The following BTRC variants were observed in gnomAD, a reference collection of about 807,000 sequenced individuals.
BTRC encodes beta-transducin repeat containing E3 ubiquitin protein ligase.
A neutral mutation model predicts 85.5 loss-of-function variants in BTRC; 42 were observed. The ratio of observed to expected loss-of-function variants is 0.49; its 90% CI spans 0.38 to 0.64. BTRC has a LOEUF of 0.64. BTRC is among the 30% of genes least tolerant of loss of function. The pLI, the probability that BTRC is intolerant of heterozygous loss-of-function variation, is 0.00. For missense variants in BTRC, 594 were observed against 743.5 expected (o/e 0.80, Z 2.34); for synonymous variants, 255 against 263.3 (o/e 0.97, Z 0.30).
intron 1 of BTRC, among the ~76,000 whole-genome samples, chr10:101,415,480 T>G (rs1194627678): frequency 7.5e-4 from 4 of 5,314 alleles, no homozygotes; most frequent in African/African-American, 8.3e-4. Flanking sequence ...TTTTATTTTA[T>G]TTTATTTTAT....
At chr10:101,528,746 G>A (rs1276337222) in intron 6 of BTRC, among the ~76,000 whole-genome samples, 1 of 151,898 alleles carries the variant, frequency 6.6e-6, no homozygotes, top group African/African-American at 2.4e-5. Flanking sequence ...CTTCTTTCAA[G>A]TTGTCTTACC....
chr10:101,368,295 G>A (rs534923379), intron 1 of BTRC, among the ~76,000 whole-genome samples: 8 of 152,210 alleles, frequency 5.3e-5, no homozygotes, highest in African/African-American at 9.6e-5. Context: ...AGTGGAAGCC[G>A]CTTGAGACTC....
chr10:101,487,805 A>G (rs1946028983), intron 4 of BTRC, among the ~76,000 whole-genome samples: 1 of 152,176 alleles, frequency 6.6e-6, no homozygotes. Context: ...TGATGAAGGG[A>G]GCACCACAGC....
At chr10:101,479,950 A>G (rs1589527091) in intron 4 of BTRC, among the ~76,000 whole-genome samples, 1 of 152,100 alleles carries the variant, frequency 6.6e-6, no homozygotes, top group Admixed American at 6.5e-5. Flanking sequence ...TGTATGGGCT[A>G]CCTCTTTTTC....
At position 101,436,422 on chromosome 10, in the gene BTRC, A is replaced by G. The variant is rs1052888640; in HGVS notation, c.156+5970A>G. Reference sequence around the variant, plus strand: ...CACTTTGGAAGGCCAGGGCTGGCGGATCACATGAGCCCAGGAGTTCGAGAC... The same window carrying G: ...CACTTTGGAAGGCCAGGGCTGGCGGGTCACATGAGCCCAGGAGTTCGAGAC... On this transcript the variant is annotated intron_variant, in intron 2 of 14. Coordinates refer to ENST00000370187, the MANE Select transcript of BTRC (RefSeq NM_033637.4). Among the ~76,000 whole-genome samples the G allele has an allele frequency of 1.4e-4, 22 of 152,114 alleles. 1 individual carries two copies. The highest frequency in any genetic ancestry group is 1.4e-3 in the Admixed American group (21 of 15,262).
rs557719208 is a variant in BTRC, at chr10:101,439,009, C to T, written c.156+8557C>T. 2.0e-5 allele frequency among the ~76,000 whole-genome samples: 3 copies of T among 152,276 alleles called. No individual in the cohort carries two copies. The South Asian group carries it at 6.2e-4, about 32-fold the overall frequency. On this transcript the variant is annotated intron_variant, in intron 2 of 14. Coordinates refer to ENST00000370187, the MANE Select transcript of BTRC (RefSeq NM_033637.4). The stretch of plus-strand genomic sequence containing the variant: ...GAAGCCAGAGCATGTGGCTACAGCA[C>T]CCCAGCTGGCAGTAAGCTCTCCCTA...
chr10:101,423,173 C>A (rs1377024740), intron 1 of BTRC, among the ~76,000 whole-genome samples: 1 of 152,106 alleles, frequency 6.6e-6, no homozygotes, highest in Non-Finnish European at 1.5e-5. Flanking sequence ...CTTGGCCTCC[C>A]AAAGTGGTGG....
At chr10:101,410,723 T>C (rs997789956) in intron 1 of BTRC, among the ~76,000 whole-genome samples, 2 of 152,138 alleles carry the variant, frequency 1.3e-5, no homozygotes, top group African/African-American at 2.4e-5. Context: ...TTTTGAGTTG[T>C]AAAAGTATAT....
intron 4 of BTRC, among the ~76,000 whole-genome samples, chr10:101,500,254 T>A (rs1323832844): frequency 6.6e-6 from 1 of 152,082 alleles, no homozygotes; most frequent in Non-Finnish European, 1.5e-5. Flanking sequence ...GCAACAAACC[T>A]GTACACCATG....
chr10:101,361,726 A>T (rs912260906), intron 1 of BTRC, among the ~76,000 whole-genome samples: 7 of 152,196 alleles, frequency 4.6e-5, no homozygotes, highest in African/African-American at 1.7e-4. Context: ...ATTGAGATAG[A>T]GCTATAAGAC....
intron 4 of BTRC, among the ~76,000 whole-genome samples, chr10:101,505,166 T>C (rs1210000149): frequency 6.9e-6 from 1 of 144,058 alleles, no homozygotes; most frequent in Non-Finnish European, 1.5e-5. Context: ...TGTATATATA[T>C]ATATATATAT....
chr10:101,382,587 G>A (rs1248359050), intron 1 of BTRC, among the ~76,000 whole-genome samples: 1 of 151,932 alleles, frequency 6.6e-6, no homozygotes, highest in Non-Finnish European at 1.5e-5. Context: ...CATTATTGGA[G>A]ATATTGTTTG....
intron 2 of BTRC, among the ~76,000 whole-genome samples, chr10:101,443,056 G>T (rs1944731619): frequency 6.6e-6 from 1 of 151,852 alleles, no homozygotes; most frequent in Admixed American, 6.6e-5. Context: ...TAATTTTTTT[G>T]TATTTTTAGT....
intron 2 of BTRC, among the ~76,000 whole-genome samples, chr10:101,433,628 A>G (rs576884726): frequency 1.3e-5 from 2 of 152,160 alleles, no homozygotes; most frequent in African/African-American, 4.8e-5. Flanking sequence ...AGAGTGAGAA[A>G]AGACTGGGGA....
chr10:101,384,345 G>A (rs541666780), intron 1 of BTRC, among the ~76,000 whole-genome samples: 47 of 152,334 alleles, frequency 3.1e-4, no homozygotes, highest in African/African-American at 1.1e-3. Context: ...TCACAGCCTT[G>A]AAGCAGCTAT....
At chr10:101,494,411 TTTATAGACA>T (rs1166391897) in intron 4 of BTRC, among the ~76,000 whole-genome samples, 3 of 152,216 alleles carry the variant, frequency 2.0e-5, no homozygotes, top group African/African-American at 4.8e-5. Flanking sequence ...TAAAGCTGAC[TTTATAGACA>T]TACTTTTTGA....
Position 101,522,667 on chromosome 10 carries a change from C to T in BTRC, c.556+797C>T, listed in dbSNP as rs971937634. Among the ~76,000 whole-genome samples, 14 of 151,118 alleles carry T rather than the reference C, an allele frequency of 9.3e-5. 1 individual carries two copies. Among genetic ancestry groups the T allele is most frequent in the African/African-American group, 3.4e-4 (14 of 41,212 alleles). ...AACTCTTGACCTCAAATGATTCACC[C>T]GCCTTGGCCTCCCAAAGTGTTGGGA... is the stretch of plus-strand genomic sequence containing the variant. On this transcript the variant is annotated intron_variant, in intron 5 of 14. Coordinates refer to ENST00000370187, the MANE Select transcript of BTRC (RefSeq NM_033637.4).
At chr10:101,413,503 G>T (rs1319989986) in intron 1 of BTRC, among the ~76,000 whole-genome samples, 1 of 152,090 alleles carries the variant, frequency 6.6e-6, no homozygotes, top group Non-Finnish European at 1.5e-5. Flanking sequence ...TAGTAGAGAT[G>T]GGGTTTCACC....
At chr10:101,399,079 A>T (rs1031445613) in intron 1 of BTRC, among the ~76,000 whole-genome samples, 6 of 152,192 alleles carry the variant, frequency 3.9e-5, no homozygotes, top group African/African-American at 1.4e-4. Context: ...CAGCCTCCTG[A>T]GTAACTGGGA....
Sources: gnomAD v4.1 joint callset for allele counts (sites outside exome capture counted in the v4.1 genomes callset) on GRCh38, gnomAD v4.1.1 for gene constraint, MANE v1.5 for transcripts, NCBI Gene and HGNC (gene_info 2026-07-23, HGNC 2026-07-21) for gene names.